Variants in SUMF1 observed in about 807,000 individuals in gnomAD.
SUMF1 encodes the protein sulfatase modifying factor 1.
A neutral mutation model predicts 47.6 loss-of-function variants in SUMF1; 48 were observed. The observed-to-expected ratio is 1.01, with a 90% CI of 0.80 to 1.28. SUMF1 has a LOEUF of 1.28. Ranked by LOEUF, SUMF1 falls within the 50% of genes most tolerant of loss-of-function variation. The probability of loss-of-function intolerance (pLI) is 0.00; values close to 1 mark genes in which losing one functional copy is unlikely to be tolerated. For missense variants in SUMF1, 571 were observed against 485.4 expected (o/e 1.18, Z -1.66); for synonymous variants, 230 against 192.1 (o/e 1.20, Z -1.63).
chr3:4,351,115 T>C (rs1436917881), intron 8 of SUMF1, among the ~76,000 whole-genome samples: 1 of 152,218 alleles, frequency 6.6e-6, no homozygotes, highest in East Asian at 1.9e-4. Flanking sequence ...CAGGCAATCA[T>C]CAATGTGATT....
At chr3:4,152,968 C>A (rs1181024832) in intron 8 of SUMF1, among the ~76,000 whole-genome samples, 1 of 151,648 alleles carries the variant, frequency 6.6e-6, no homozygotes, top group East Asian at 1.9e-4. Context: ...CCACCCAACA[C>A]AATAAAAGCT....
chr3:4,398,754 G>T (rs1701116271), intron 7 of SUMF1, among the ~76,000 whole-genome samples: 1 of 152,128 alleles, frequency 6.6e-6, no homozygotes, highest in Admixed American at 6.6e-5. Context: ...CTTGCTTTTG[G>T]AAGAAGCCAC....
At chr3:4,072,938 C>A (rs1692314866) in intron 8 of SUMF1, among the ~76,000 whole-genome samples, 1 of 152,128 alleles carries the variant, frequency 6.6e-6, no homozygotes, top group Non-Finnish European at 1.5e-5. Flanking sequence ...AGAACTTCCC[C>A]AACATAGCAA....
intron 8 of SUMF1, chr3:4,314,066 G>A: frequency 2.1e-6 from 1 of 483,446 alleles, no homozygotes; most frequent in Non-Finnish European, 3.7e-6. Flanking sequence ...CTTTCTTCCT[G>A]CTGGCTGGAA....
downstream of SUMF1, among the ~76,000 whole-genome samples, chr3:4,358,392 T>C (rs1699669700): frequency 6.6e-6 from 1 of 152,192 alleles, no homozygotes; most frequent in South Asian, 2.1e-4. Flanking sequence ...AACAGTTTTT[T>C]AATACTGCAA....
At chr3:4,268,297 C>T (rs953422671) in intron 8 of SUMF1, among the ~76,000 whole-genome samples, 4 of 151,044 alleles carry the variant, frequency 2.6e-5, no homozygotes, top group East Asian at 3.9e-4. Flanking sequence ...GATGACGAGG[C>T]GGGGAGGGAT....
chr3:4,442,319 G>C (rs1005240809), intron 3 of SUMF1, among the ~76,000 whole-genome samples: 2 of 150,414 alleles, frequency 1.3e-5, no homozygotes, highest in Non-Finnish European at 3.0e-5. Flanking sequence ...GCGGTGGCGC[G>C]ATCTCGGCTC....
chr3:4,367,132 G>A (rs1559249261), intron 8 of SUMF1, among the ~76,000 whole-genome samples: 1 of 152,164 alleles, frequency 6.6e-6, no homozygotes, highest in African/African-American at 2.4e-5. Context: ...CCCCTACTGG[G>A]GGGGTGCCTC....
At chr3:4,070,983 G>C (rs1695508339) in intron 8 of SUMF1, among the ~76,000 whole-genome samples, 1 of 152,086 alleles carries the variant, frequency 6.6e-6, no homozygotes, top group Admixed American at 6.5e-5. Flanking sequence ...GATATTGGTA[G>C]ACTGTGTGCA....
At chr3:4,205,802 T>A (rs1695638925) in intron 8 of SUMF1, among the ~76,000 whole-genome samples, 1 of 152,094 alleles carries the variant, frequency 6.6e-6, no homozygotes, top group Non-Finnish European at 1.5e-5. Context: ...CACGCTGACC[T>A]ACCTGGAGTT....
intron 8 of SUMF1, among the ~76,000 whole-genome samples, chr3:4,279,172 C>T (rs1328818928): frequency 1.3e-5 from 2 of 152,066 alleles, no homozygotes; most frequent in Admixed American, 6.6e-5. Flanking sequence ...CTAACACCAG[C>T]CACTTCATTT....
chr3:4,364,024 A>G (rs562498620), intron 8 of SUMF1, among the ~76,000 whole-genome samples: 35,460 of 108,930 alleles, frequency 0.33, 7,399 homozygotes, highest in East Asian at 0.51. Context: ...GCTGGATTAC[A>G]TTTATTCATT....
At chr3:4,076,721 C>T (rs533631059) in intron 8 of SUMF1, among the ~76,000 whole-genome samples, 14 of 152,172 alleles carry the variant, frequency 9.2e-5, no homozygotes, top group East Asian at 3.9e-4. Context: ...AGACACTGGC[C>T]GGGCGTGGTG....
intron 9 of SUMF1, among the ~76,000 whole-genome samples, chr3:4,066,285 C>T (rs1695374099): frequency 6.6e-6 from 1 of 151,880 alleles, no homozygotes; most frequent in African/African-American, 2.4e-5. Context: ...ACATGAGCAA[C>T]CACCAAAAGA....
chr3:4,071,229 T>C (rs2125036466), intron 8 of SUMF1, among the ~76,000 whole-genome samples: 1 of 151,828 alleles, frequency 6.6e-6, no homozygotes, highest in East Asian at 2.0e-4. Context: ...CCCAGCGAGA[T>C]CGACACAGAA....
intron 7 of SUMF1, among the ~76,000 whole-genome samples, chr3:4,395,171 A>G (rs1353521343): frequency 1.3e-5 from 2 of 152,200 alleles, no homozygotes; most frequent in African/African-American, 4.8e-5. Flanking sequence ...ACAGGTAGCA[A>G]GCGAGAGAAC....
chr3:4,167,278 G>A (rs1694729669), intron 8 of SUMF1, among the ~76,000 whole-genome samples: 2 of 150,494 alleles, frequency 1.3e-5, no homozygotes, highest in Admixed American at 6.6e-5. Context: ...TGCTGCTGCT[G>A]GCTGGGGTGG....
chr3:4,365,785 T>G (rs1207654488), intron 8 of SUMF1, among the ~76,000 whole-genome samples: 1 of 151,204 alleles, frequency 6.6e-6, no homozygotes, highest in Non-Finnish European at 1.5e-5. Flanking sequence ...ATTTTGCTCG[T>G]TAGTTGATGC....
intron 8 of SUMF1, among the ~76,000 whole-genome samples, chr3:4,081,430 T>C (rs1047209634): frequency 1.3e-5 from 2 of 152,160 alleles, no homozygotes; most frequent in Non-Finnish European, 2.9e-5. Flanking sequence ...GTAAACTTTA[T>C]TATCTAATTG....
Sources: gnomAD v4.1 joint callset for allele counts (sites outside exome capture counted in the v4.1 genomes callset) on GRCh38, gnomAD v4.1.1 for gene constraint, MANE v1.5 for transcripts, NCBI Gene and HGNC (gene_info 2026-07-23, HGNC 2026-07-21) for gene names.